Variants in HSPA14 observed in about 807,000 individuals in gnomAD.
HSPA14 encodes heat shock protein family A (Hsp70) member 14, also known as heat shock 70 kDa protein 14.
In HSPA14, 37 loss-of-function variants were observed where a neutral mutation model predicts 65.5. That is an observed-to-expected ratio of 0.56 (90% confidence interval 0.43 to 0.74). The LOEUF (loss-of-function observed/expected upper bound fraction) is 0.74. Among genes scored for constraint, HSPA14 ranks in the 30% least tolerant of loss-of-function variants. The probability of loss-of-function intolerance (pLI) is 0.00; values close to 1 mark genes in which losing one functional copy is unlikely to be tolerated. For synonymous variants in HSPA14, 203 were observed against 214.2 expected (o/e 0.95, Z 0.46); for missense variants, 564 against 607.6 (o/e 0.93, Z 0.75).
In HSPA14 at chr10:14,859,307, CT is replaced by C. The variant is rs796704889; in HGVS notation, c.993+3366del. 1.5e-3 allele frequency among the ~76,000 whole-genome samples: 221 copies of C among 152,282 alleles called. 2 individuals are homozygous for C. Among genetic ancestry groups the C allele is most frequent in the African/African-American group, 5.1e-3 (210 of 41,554 alleles). On this transcript the variant is annotated intron_variant, in intron 10 of 13. Coordinates refer to ENST00000378372, the MANE Select transcript of HSPA14 (RefSeq NM_016299.4). ...GTGCTTTCCAGCCCTTGTGTTTTCA[CT>C]TCTGTGCTTCACCCTCGCTTTCTGT...
chr10:14,865,788 G>A (rs1832801900), intron 10 of HSPA14, among the ~76,000 whole-genome samples: 1 of 152,170 alleles, frequency 6.6e-6, no homozygotes, highest in Non-Finnish European at 1.5e-5. Context: ...GGATTGACTT[G>A]GCAACGTGGG....
chr10:14,854,918 A>G (rs1564323524), intron 9 of HSPA14, among the ~76,000 whole-genome samples: 2 of 152,230 alleles, frequency 1.3e-5, no homozygotes, highest in African/African-American at 4.8e-5. Flanking sequence ...TCATGTGGCT[A>G]GTGACTGGTA....
chr10:14,855,924 C>A lies in HSPA14; in HGVS notation c.974C>A (p.Thr325Lys). 1 of 1,576,698 alleles carries A rather than the reference C, an allele frequency of 6.3e-7. No individual in the cohort carries two copies. The highest frequency in any genetic ancestry group is 8.7e-7 in the Non-Finnish European group (1 of 1,146,562). Residue 325 changes from threonine to lysine, a missense_variant, in exon 10 of 14, where the codon ACA becomes AAA. Thr to Lys is a moderately conservative substitution (Grantham distance 78). Transcript: ENST00000378372. ...GGACTCTTAGATCAAAATGGATTTA[C>A]AGCAGATGATATCAACAAGGTAATG... Reference protein sequence around the residue: ...IRGLLDQNGFTADDINKVVLC... With the variant: ...IRGLLDQNGFKADDINKVVLC...
Position 14,840,004 on chromosome 10 carries a change from T to A in HSPA14, c.138+19T>A. 1 of 1,581,622 alleles carries A rather than the reference T, an allele frequency of 6.3e-7. No homozygotes were observed. The stretch of plus-strand genomic sequence containing the variant: ...TGAAGAGGTACTAGTCCCCCCATTT[T>A]TGTACTTCTGAAATAATTTAAAATT... On this transcript the variant is annotated intron_variant, in intron 2 of 13. Coordinates refer to ENST00000378372, the MANE Select transcript of HSPA14 (RefSeq NM_016299.4).
At chr10:14,862,473 C>G (rs1832759143) in intron 10 of HSPA14, among the ~76,000 whole-genome samples, 1 of 149,546 alleles carries the variant, frequency 6.7e-6, no homozygotes, top group Non-Finnish European at 1.5e-5. Flanking sequence ...CTCCCAGGTT[C>G]ACGCTATTCT....
At chr10:14,843,677 T>G in intron 3 of HSPA14, 1 of 1,546,056 alleles carries the variant, frequency 6.5e-7, no homozygotes, top group Non-Finnish European at 8.7e-7. Flanking sequence ...AACAGGCGAT[T>G]GGCACGAGAA....
intron 12 of HSPA14, among the ~76,000 whole-genome samples, chr10:14,868,820 G>C (rs781071995): frequency 1.3e-5 from 2 of 151,998 alleles, no homozygotes; most frequent in Non-Finnish European, 2.9e-5. Context: ...ATTAAATATC[G>C]GTAACAAAAA....
At chr10:14,861,831 G>A (rs1832752150) in intron 10 of HSPA14, among the ~76,000 whole-genome samples, 1 of 151,820 alleles carries the variant, frequency 6.6e-6, no homozygotes. Context: ...GGCCAACATG[G>A]TGAAACACCG....
chr10:14,857,253 C>A (rs1200752849), intron 10 of HSPA14, among the ~76,000 whole-genome samples: 1 of 152,046 alleles, frequency 6.6e-6, no homozygotes, highest in East Asian at 1.9e-4. Context: ...TATACAGAGA[C>A]GTTTATCATA....
intron 3 of HSPA14, chr10:14,846,996 T>G: frequency 1.0e-6 from 1 of 985,494 alleles, no homozygotes; most frequent in Non-Finnish European, 1.2e-6. Context: ...TTCACTTGTA[T>G]GTAGTTGTGG....
intron 10 of HSPA14, among the ~76,000 whole-genome samples, chr10:14,860,319 G>A (rs1219576293): frequency 6.6e-6 from 1 of 152,102 alleles, no homozygotes; most frequent in Non-Finnish European, 1.5e-5. Context: ...CTAGACACCT[G>A]GGATACAGTA....
chr10:14,855,768 T>G, intron 9 of HSPA14, 73 bp from the exon 10 acceptor site: 2 of 733,082 alleles, frequency 2.7e-6, no homozygotes, highest in Admixed American at 2.6e-5. Context: ...TTTGTTTGAT[T>G]GTACTGAGCC....
chr10:14,867,653 A>C (rs1032958313), intron 11 of HSPA14, 83 bp from the exon 12 acceptor site: 1 of 1,175,408 alleles, frequency 8.5e-7, no homozygotes, highest in Non-Finnish European at 1.2e-6. Context: ...AATAAGGAAT[A>C]TATATCTCAT....
At chr10:14,846,457 A>G in intron 3 of HSPA14, 1 of 985,376 alleles carries the variant, frequency 1.0e-6, no homozygotes, top group Non-Finnish European at 1.2e-6. Context: ...AAAGGTCTTG[A>G]ATAAGTACAC....
At chr10:14,860,363 G>A (rs543001337) in intron 10 of HSPA14, among the ~76,000 whole-genome samples, 12 of 152,088 alleles carry the variant, frequency 7.9e-5, no homozygotes, top group Non-Finnish European at 1.5e-4. Flanking sequence ...TTCATAGAAC[G>A]AACAATATAG....
intron 3 of HSPA14, chr10:14,843,399 C>G (rs1159162000): frequency 6.4e-7 from 1 of 1,550,758 alleles, no homozygotes; most frequent in Admixed American, 2.0e-5. Flanking sequence ...CCAGCTACAG[C>G]AGCTCCCACA....
In HSPA14 at chr10:14,848,912, A is replaced by G. The variant is rs1237248271; in HGVS notation, c.376+17A>G. On this transcript the variant is annotated intron_variant, in intron 5 of 13. Transcript: ENST00000378372. Reference sequence around the variant, plus strand: ...AAATGAAAGGTATTTAGCAAAAGATATATAATAGTTACCTTTAATGATCTT... The same window carrying G: ...AAATGAAAGGTATTTAGCAAAAGATGTATAATAGTTACCTTTAATGATCTT... 5 of 1,232,584 alleles carry G rather than the reference A, an allele frequency of 4.1e-6. No homozygotes were observed. Among genetic ancestry groups the G allele is most frequent in the East Asian group, 4.7e-5 (2 of 42,870 alleles). 76.4% of individuals were successfully genotyped at this position (1,232,584 alleles called of 1,614,324 possible). A position where few individuals can be genotyped will look rare whatever the true frequency, so the allele number is the denominator to read the frequency against.
At chr10:14,839,008 G>A (rs1253160184) in intron 1 of HSPA14, among the ~76,000 whole-genome samples, 1 of 152,196 alleles carries the variant, frequency 6.6e-6, no homozygotes, top group African/African-American at 2.4e-5. Flanking sequence ...GGGCCCGAAC[G>A]TCTAGGTCCC....
chr10:14,868,475 A>G (rs898667843), intron 12 of HSPA14, among the ~76,000 whole-genome samples: 2 of 151,958 alleles, frequency 1.3e-5, no homozygotes, highest in African/African-American at 4.8e-5. Flanking sequence ...TTTACTTAGA[A>G]ACATGTCTGA....
Sources: allele counts gnomAD v4.1 joint callset (sites outside exome capture counted in the v4.1 genomes callset), GRCh38; gene constraint gnomAD v4.1.1; transcripts MANE v1.5; gene names NCBI Gene and HGNC (gene_info 2026-07-23, HGNC 2026-07-21).